Variants in SF3B3 observed in about 807,000 individuals in gnomAD.
SF3B3 encodes splicing factor 3b subunit 3, also known as SAP 130.
In SF3B3, 33 loss-of-function variants were observed where a neutral mutation model predicts 139.2. The observed-to-expected ratio is 0.24, with a 90% confidence interval of 0.18 to 0.32. SF3B3 has a LOEUF of 0.32. Ranked by LOEUF, SF3B3 falls within the 10% of genes least tolerant of loss-of-function variation. SF3B3 has a pLI of 1.00. For missense variants in SF3B3, 818 were observed against 1,509.4 expected, an observed-to-expected ratio of 0.54 and a Z score of 7.59; for synonymous variants, 596 against 563.6, an observed-to-expected ratio of 1.06 and a Z score of -0.81.
intron 11 of SF3B3, among the ~76,000 whole-genome samples, chr16:70,548,775 G>T (rs1440252106): frequency 6.6e-6 from 1 of 152,216 alleles, no homozygotes; most frequent in Non-Finnish European, 1.5e-5. Flanking sequence ...AGGGAAAGTT[G>T]TGCTTTTTCA....
chr16:70,565,582 TG>T, intron 20 of SF3B3, 58 bp downstream of exon 20: 1 of 1,523,862 alleles, frequency 6.6e-7, no homozygotes, highest in Non-Finnish European at 9.0e-7. Context: ...CTCTCACTTT[TG>T]CTTATGTTAT....
At chr16:70,551,909 A>C (rs1597717251) in intron 11 of SF3B3, among the ~76,000 whole-genome samples, 1 of 152,194 alleles carries the variant, frequency 6.6e-6, no homozygotes, top group Non-Finnish European at 1.5e-5. Context: ...TGTAGAAGGA[A>C]GGGGTAGAAG....
chr16:70,525,294 T>C (rs961502716), intron 1 of SF3B3, among the ~76,000 whole-genome samples: 27 of 152,302 alleles, frequency 1.8e-4, no homozygotes, highest in Admixed American at 6.5e-4. Context: ...CCCAAAGTGC[T>C]GGGATTACAG....
At chr16:70,564,656 C>T (rs2050458888) in intron 18 of SF3B3, among the ~76,000 whole-genome samples, 1 of 152,176 alleles carries the variant, frequency 6.6e-6, no homozygotes. Context: ...GAACTCATTG[C>T]CTAGCAGAAA....
chr16:70,531,090 C>A (rs184494816), intron 4 of SF3B3, among the ~76,000 whole-genome samples, 173 bp downstream of exon 4: 184 of 152,046 alleles, frequency 1.2e-3, no homozygotes, highest in Non-Finnish European at 2.1e-3. Flanking sequence ...CACAGTGAAA[C>A]CCCATCTCTA....
chr16:70,570,374 G>A (rs139959566), intron 24 of SF3B3, among the ~76,000 whole-genome samples: 6 of 125,008 alleles, frequency 4.8e-5, no homozygotes, highest in South Asian at 2.9e-4. Context: ...ACTGTTACCC[G>A]GGCTGGAGTG....
At chr16:70,568,106 G>A (rs1198214744) in intron 21 of SF3B3, among the ~76,000 whole-genome samples, 177 bp from the exon 22 acceptor site, 1 of 152,154 alleles carries the variant, frequency 6.6e-6, no homozygotes, top group Non-Finnish European at 1.5e-5. Flanking sequence ...GCATATATTT[G>A]CACTATATTA....
chr16:70,570,636 G>T (rs535404244), intron 24 of SF3B3, among the ~76,000 whole-genome samples: 3 of 152,160 alleles, frequency 2.0e-5, no homozygotes, highest in Admixed American at 2.0e-4. Context: ...CGGCCAGGCC[G>T]TTTGTTTTTA....
intron 1 of SF3B3, among the ~76,000 whole-genome samples, chr16:70,525,905 A>AT (rs999850147): frequency 2.9e-4 from 43 of 149,438 alleles, no homozygotes; most frequent in Non-Finnish European, 5.8e-4. Flanking sequence ...AGCTTGCAGT[A>AT]AGCCAAGATG....
chr16:70,534,454 G>C (rs1361169396), intron 5 of SF3B3, among the ~76,000 whole-genome samples: 2 of 152,112 alleles, frequency 1.3e-5, no homozygotes, highest in Admixed American at 1.3e-4. Context: ...TAAGAGGGGA[G>C]ACTGATGAGG....
chr16:70,548,080 T>G (rs1278154670), intron 10 of SF3B3, among the ~76,000 whole-genome samples: 1 of 152,188 alleles, frequency 6.6e-6, no homozygotes, highest in East Asian at 1.9e-4. Context: ...TTACTGCTGT[T>G]CTGAGGATGA....
intron 15 of SF3B3, among the ~76,000 whole-genome samples, chr16:70,559,507 C>T (rs769838508): frequency 5.3e-5 from 8 of 151,852 alleles, no homozygotes; most frequent in Non-Finnish European, 1.0e-4. Context: ...GGCAACATGG[C>T]GAAACCTCAT....
chr16:70,540,374 CT>C (rs2050208182), intron 8 of SF3B3, among the ~76,000 whole-genome samples: 1 of 120,540 alleles, frequency 8.3e-6, no homozygotes, highest in Non-Finnish European at 1.8e-5. Context: ...GCCTTCTTAG[CT>C]TTTTGGGGTT....
chr16:70,568,991 C>A, intron 22 of SF3B3, 52 bp from the exon 23 acceptor site: 1 of 1,330,286 alleles, frequency 7.5e-7, no homozygotes, highest in African/African-American at 1.4e-5. Flanking sequence ...CTTGGTGACT[C>A]AGGTGAGCAG....
At chr16:70,560,637 T>G in intron 16 of SF3B3, 46 bp downstream of exon 16, 1 of 1,599,748 alleles carries the variant, frequency 6.3e-7, no homozygotes. Context: ...GGGATTTTAG[T>G]GGCACCATCT....
intron 16 of SF3B3, 144 bp downstream of exon 16, chr16:70,560,735 C>A: frequency 1.1e-6 from 1 of 889,912 alleles, no homozygotes; most frequent in Non-Finnish European, 1.7e-6. Flanking sequence ...CCTGAGTTTT[C>A]CTAACCTAGA....
At chr16:70,554,736 C>T in intron 12 of SF3B3, 139 bp downstream of exon 12, 2 of 815,384 alleles carry the variant, frequency 2.5e-6, no homozygotes, top group Non-Finnish European at 3.8e-6. Context: ...GATTTGGGCA[C>T]ATAATATCCC....
intron 11 of SF3B3, among the ~76,000 whole-genome samples, chr16:70,553,218 G>A (rs1231146883): frequency 6.6e-6 from 1 of 152,118 alleles, no homozygotes; most frequent in African/African-American, 2.4e-5. Flanking sequence ...CATCATGCCT[G>A]GTCGAATGAT....
chr16:70,569,606 A>G (rs2050509328), intron 23 of SF3B3, among the ~76,000 whole-genome samples: 1 of 152,156 alleles, frequency 6.6e-6, no homozygotes, highest in Non-Finnish European at 1.5e-5. Context: ...ATTTTAAAAT[A>G]TTTGTAGGGT....
Sources: allele counts gnomAD v4.1 joint callset (sites outside exome capture counted in the v4.1 genomes callset), GRCh38; gene constraint gnomAD v4.1.1; transcripts MANE v1.5; gene names NCBI Gene and HGNC (gene_info 2026-07-23, HGNC 2026-07-21).